NELL1: variants seen among roughly 807,000 people sequenced by gnomAD.
NELL1 encodes neural EGFL like 1, also known as protein kinase C-binding protein NELL1.
Under a neutral mutation model 107.4 loss-of-function variants are expected in NELL1, and 76 were observed. The ratio of observed to expected loss-of-function variants is 0.71; its 90% CI spans 0.59 to 0.86. The LOEUF is 0.86. Ranked by LOEUF, NELL1 falls within the 40% of genes least tolerant of loss-of-function variation. The pLI is 0.00. For missense variants in NELL1, 1,024 were observed against 1,005.5 expected (o/e 1.02, Z -0.25); for synonymous variants, 353 against 341.2 (o/e 1.03, Z -0.38).
chr11:21,556,139 C>G (rs868297104), intron 16 of NELL1, among the ~76,000 whole-genome samples: 1 of 151,934 alleles, frequency 6.6e-6, no homozygotes, highest in African/African-American at 2.4e-5. Flanking sequence ...GGAGAGGGAT[C>G]TGTTCTCTAG....
At chr11:21,313,925 T>G (rs1211016118) in intron 14 of NELL1, among the ~76,000 whole-genome samples, 1 of 151,082 alleles carries the variant, frequency 6.6e-6, no homozygotes, top group Non-Finnish European at 1.5e-5. Flanking sequence ...ATCCACTTTG[T>G]GCTGTTCTTG....
At chr11:20,809,349 T>C (rs1381079765) in intron 3 of NELL1, among the ~76,000 whole-genome samples, 1 of 152,236 alleles carries the variant, frequency 6.6e-6, no homozygotes, top group East Asian at 1.9e-4. Context: ...TCAATCATCT[T>C]AAACATTTAT....
At chr11:20,742,379 T>G (rs1458392054) in intron 2 of NELL1, among the ~76,000 whole-genome samples, 1 of 152,154 alleles carries the variant, frequency 6.6e-6, no homozygotes, top group Admixed American at 6.5e-5. Context: ...TATAATGCCT[T>G]TCCTCGAGAC....
chr11:20,672,970 GCCCCCCC>G (rs10592573), intron 1 of NELL1, among the ~76,000 whole-genome samples: 37,783 of 101,020 alleles, frequency 0.37, 8,534 homozygotes, highest in African/African-American at 0.47. Flanking sequence ...TCCTGCCTCA[GCCCCCCC>G]CCCCCCCCCC....
chr11:21,261,190 C>CTT (rs557275008), intron 14 of NELL1, among the ~76,000 whole-genome samples: 3,422 of 141,970 alleles, frequency 0.024, 132 homozygotes, highest in African/African-American at 0.083. Context: ...ATGAAATGGC[C>CTT]TTTTTTTTTT....
intron 15 of NELL1, among the ~76,000 whole-genome samples, chr11:21,467,373 T>A (rs569192629): frequency 6.6e-6 from 1 of 152,264 alleles, no homozygotes; most frequent in South Asian, 2.1e-4. Flanking sequence ...GTGTTATTTG[T>A]GGCTCTAATA....
chr11:20,919,529 G>A (rs1300750005), intron 7 of NELL1, among the ~76,000 whole-genome samples, 195 bp downstream of exon 7: 2 of 152,012 alleles, frequency 1.3e-5, no homozygotes, highest in African/African-American at 2.4e-5. Flanking sequence ...CTATTAAGCT[G>A]TATCATAATG....
intron 14 of NELL1, among the ~76,000 whole-genome samples, chr11:21,325,742 T>C (rs987987604): frequency 1.3e-5 from 2 of 152,094 alleles, no homozygotes; most frequent in Non-Finnish European, 2.9e-5. Context: ...TATAAATTAT[T>C]ACTATTATCT....
At chr11:20,850,293 A>G (rs1408653624) in intron 4 of NELL1, among the ~76,000 whole-genome samples, 1 of 152,018 alleles carries the variant, frequency 6.6e-6, no homozygotes, top group Non-Finnish European at 1.5e-5. Context: ...ATCCATTACT[A>G]CTTTGTGATT....
At chr11:21,052,391 A>G (rs1188975912) in intron 12 of NELL1, among the ~76,000 whole-genome samples, 1 of 152,074 alleles carries the variant, frequency 6.6e-6, no homozygotes, top group East Asian at 1.9e-4. Context: ...CAGATCACTT[A>G]GGAGGCTCCT....
intron 15 of NELL1, among the ~76,000 whole-genome samples, chr11:21,482,777 A>G (rs1009741402): frequency 4.6e-5 from 7 of 151,810 alleles, no homozygotes; most frequent in African/African-American, 1.7e-4. Flanking sequence ...AAAAAAGAAA[A>G]ACTGTGACAG....
At chr11:21,212,156 GT>G (rs1857511391) in intron 13 of NELL1, among the ~76,000 whole-genome samples, 2 of 152,042 alleles carry the variant, frequency 1.3e-5, no homozygotes, top group Non-Finnish European at 2.9e-5. Flanking sequence ...GGCTACCCTG[GT>G]TTGAATCTAC....
chr11:20,944,692 G>T (rs1850927530), intron 10 of NELL1, among the ~76,000 whole-genome samples: 1 of 152,136 alleles, frequency 6.6e-6, no homozygotes, highest in Non-Finnish European at 1.5e-5. Flanking sequence ...AGCTATAAAA[G>T]GTTTGTGCCT....
chr11:21,143,916 T>C (rs1855919926), intron 13 of NELL1, among the ~76,000 whole-genome samples: 1 of 152,118 alleles, frequency 6.6e-6, no homozygotes, highest in South Asian at 2.1e-4. Context: ...TCAAGACTAA[T>C]GTAAGAACAA....
chr11:20,946,838 A>G (rs148205044), intron 10 of NELL1, among the ~76,000 whole-genome samples: 1 of 152,278 alleles, frequency 6.6e-6, no homozygotes, highest in African/African-American at 2.4e-5. Context: ...GAATTCATTA[A>G]GAGCAAGGAA....
chr11:20,672,841 A>G (rs1437422936), intron 1 of NELL1, among the ~76,000 whole-genome samples: 2 of 149,046 alleles, frequency 1.3e-5, no homozygotes, highest in African/African-American at 4.9e-5. Flanking sequence ...CACCTGCTGG[A>G]AAGGAGAGAA....
At chr11:20,843,296 A>G (rs1279453740) in intron 3 of NELL1, among the ~76,000 whole-genome samples, 2 of 152,260 alleles carry the variant, frequency 1.3e-5, no homozygotes, top group South Asian at 2.1e-4. Flanking sequence ...GGCCACAGAA[A>G]AATCATTGTT....
intron 17 of NELL1, among the ~76,000 whole-genome samples, chr11:21,560,717 C>G (rs1457843527): frequency 6.6e-6 from 1 of 152,024 alleles, no homozygotes; most frequent in African/African-American, 2.4e-5. Context: ...TCATCCCACG[C>G]TTATACAAAC....
chr11:20,921,357 C>T (rs757893143), intron 7 of NELL1, among the ~76,000 whole-genome samples: 40 of 152,058 alleles, frequency 2.6e-4, no homozygotes, highest in Non-Finnish European at 5.0e-4. Flanking sequence ...TACCACAATC[C>T]TTTGAGCTTG....
Sources: gnomAD v4.1 joint callset for allele counts (sites outside exome capture counted in the v4.1 genomes callset) on GRCh38, gnomAD v4.1.1 for gene constraint, MANE v1.5 for transcripts, NCBI Gene and HGNC (gene_info 2026-07-23, HGNC 2026-07-21) for gene names.